PPP6R3: variants seen among roughly 807,000 people sequenced by gnomAD.
PPP6R3 encodes serine/threonine-protein phosphatase 6 regulatory subunit 3.
A neutral mutation model predicts 110.7 loss-of-function variants in PPP6R3; 38 were observed. The observed-to-expected ratio is 0.34, with a 90% CI of 0.26 to 0.45. The LOEUF is 0.45. Among genes scored for constraint, PPP6R3 ranks in the 20% least tolerant of loss-of-function variants. The pLI is 1.00. For synonymous variants in PPP6R3, 369 were observed against 373.5 expected (o/e 0.99, Z 0.14); for missense variants, 870 against 1,062.4 (o/e 0.82, Z 2.52).
intron 1 of PPP6R3, among the ~76,000 whole-genome samples, chr11:68,466,477 C>T (rs535824880): frequency 9.5e-4 from 134 of 141,026 alleles, no homozygotes; most frequent in African/African-American, 3.2e-3. Flanking sequence ...CTCGCTCTGT[C>T]ACCCAGGCTG....
chr11:68,610,201 C>T (rs1413853448), intron 23 of PPP6R3, among the ~76,000 whole-genome samples, 178 bp downstream of exon 23: 2 of 152,204 alleles, frequency 1.3e-5, no homozygotes, highest in African/African-American at 4.8e-5. Context: ...GAGCTGAGAA[C>T]TTAGAAACAG....
At chr11:68,535,653 T>G (rs1374630522) in intron 2 of PPP6R3, 1 of 151,920 alleles carries the variant, frequency 6.6e-6, no homozygotes, top group Non-Finnish European at 1.5e-5. Flanking sequence ...CTTAAGGAGC[T>G]TTTGGAAGCT....
chr11:68,557,458 A>T (rs1593103403), intron 7 of PPP6R3, among the ~76,000 whole-genome samples: 1 of 152,000 alleles, frequency 6.6e-6, no homozygotes, highest in Non-Finnish European at 1.5e-5. Flanking sequence ...ACCAAGGACA[A>T]CCCAGCTGCA....
At chr11:68,588,685 T>A (rs2099586336) in intron 16 of PPP6R3, among the ~76,000 whole-genome samples, 1 of 150,358 alleles carries the variant, frequency 6.7e-6, no homozygotes, top group African/African-American at 2.4e-5. Flanking sequence ...GACCTCGTGA[T>A]CCGCCTGCCT....
chr11:68,573,114 T>TATATATATA lies in PPP6R3; in HGVS notation c.1344-995_1344-994insATATATATA, dbSNP rs1555173816. ...TCAGATTAATATGAGTTTACTTATT[T>TATATATATA]TATATATATATATATATATATATAT... On this transcript the variant is annotated intron_variant, in intron 12 of 23. Coordinates refer to ENST00000393800, the MANE Select transcript of PPP6R3 (RefSeq NM_001164161.2). 1.9e-4 allele frequency among the ~76,000 whole-genome samples: 12 copies of TATATATATA among 61,798 alleles called. No individual in the cohort carries two copies. In the East Asian group the frequency reaches 5.3e-3, roughly 27 times the overall value. 40.5% of individuals were successfully genotyped at this position (61,798 alleles called of 152,430 possible). A position where few individuals can be genotyped will look rare whatever the true frequency, so the allele number is the denominator to read the frequency against.
At chr11:68,476,006 T>C (rs1477121296) in intron 1 of PPP6R3, among the ~76,000 whole-genome samples, 10 of 145,930 alleles carry the variant, frequency 6.9e-5, no homozygotes, top group African/African-American at 2.1e-4. Flanking sequence ...GGGGCTCTTC[T>C]CATCCCAGAC....
chr11:68,592,895 A>G (rs1046880495), intron 18 of PPP6R3, among the ~76,000 whole-genome samples: 1 of 152,230 alleles, frequency 6.6e-6, no homozygotes, highest in Non-Finnish European at 1.5e-5. Flanking sequence ...AATACAGTAT[A>G]TCTTCACAGA....
chr11:68,540,074 A>T (rs2099303761), intron 3 of PPP6R3, among the ~76,000 whole-genome samples: 1 of 152,200 alleles, frequency 6.6e-6, no homozygotes, highest in African/African-American at 2.4e-5. Context: ...GTTGGAGTGA[A>T]GGTGGAGCAC....
intron 9 of PPP6R3, among the ~76,000 whole-genome samples, chr11:68,566,182 C>T (rs904862964): frequency 2.4e-4 from 36 of 152,162 alleles, no homozygotes; most frequent in African/African-American, 8.4e-4. Flanking sequence ...TTGGCTCAGA[C>T]TGAGGATTGT....
At chr11:68,564,735 A>G (rs1315565631) in intron 9 of PPP6R3, among the ~76,000 whole-genome samples, 1 of 152,246 alleles carries the variant, frequency 6.6e-6, no homozygotes, top group Non-Finnish European at 1.5e-5. Context: ...TTTCAGGAAA[A>G]GCTAATCTTT....
chr11:68,585,129 T>C (rs1465223026), intron 15 of PPP6R3, among the ~76,000 whole-genome samples: 1 of 152,188 alleles, frequency 6.6e-6, no homozygotes, highest in Non-Finnish European at 1.5e-5. Context: ...GGGGAGTGCC[T>C]CCAGGCGTTT....
chr11:68,613,191 AGCCC>A lies in PPP6R3; in HGVS notation c.*75_*78del. The A allele has an allele frequency of 6.3e-7, 1 of 1,591,342 alleles. No individual in the cohort carries two copies. Among genetic ancestry groups the A allele is most frequent in the Admixed American group, 1.7e-5 (1 of 57,164 alleles). On this transcript the variant is annotated 3_prime_UTR_variant, in exon 24 of 24. Transcript: ENST00000393800. ...CAGGGGCTCTGGAGGGGTCAGCTGG[AGCCC>A]ACCAAGCTGTCACTGCTGCACTCAC...
rs1315403195 is a variant in PPP6R3 at position 68,545,556 on chromosome 11, C to T, written c.414+532C>T. Among the ~76,000 whole-genome samples, 334 of 152,344 alleles carry T rather than the reference C, an allele frequency of 2.2e-3. 2 individuals carry two copies. The highest frequency in any genetic ancestry group is 7.6e-3 in the African/African-American group (316 of 41,578). On this transcript the variant is annotated intron_variant, in intron 4 of 23. Transcript: ENST00000393800. Reference sequence around the variant, plus strand: ...ACTGCTGTGTACATTTGCAGCTGTGCTGTTCCTATCCAGTGTGGTTTGACA... The same window carrying T: ...ACTGCTGTGTACATTTGCAGCTGTGTTGTTCCTATCCAGTGTGGTTTGACA...
At chr11:68,466,507 C>T (rs1207610356) in intron 1 of PPP6R3, among the ~76,000 whole-genome samples, 3 of 148,340 alleles carry the variant, frequency 2.0e-5, no homozygotes, top group South Asian at 4.2e-4. Flanking sequence ...GGCGTGGTCT[C>T]GGCTCACTGC....
At chr11:68,574,602 C>T (rs969117131) in intron 13 of PPP6R3, among the ~76,000 whole-genome samples, 4 of 152,122 alleles carry the variant, frequency 2.6e-5, no homozygotes, top group Non-Finnish European at 4.4e-5. Flanking sequence ...TTTCTGAAGG[C>T]CTCTATATAG....
At chr11:68,506,037 T>C (rs979425379) in intron 1 of PPP6R3, among the ~76,000 whole-genome samples, 46 of 151,942 alleles carry the variant, frequency 3.0e-4, no homozygotes, top group African/African-American at 1.1e-3. Context: ...CTGTATGAGA[T>C]TGTTTCCTTT....
At chr11:68,494,811 C>T (rs1360722376) in intron 1 of PPP6R3, among the ~76,000 whole-genome samples, 1 of 152,114 alleles carries the variant, frequency 6.6e-6, no homozygotes, top group Non-Finnish European at 1.5e-5. Context: ...ATCTTAACGG[C>T]CCCCCAGCCC....
intron 2 of PPP6R3, among the ~76,000 whole-genome samples, chr11:68,523,647 A>T (rs2099176276): frequency 6.7e-6 from 1 of 150,262 alleles, no homozygotes; most frequent in African/African-American, 2.5e-5. Context: ...CCCTAAGGAG[A>T]GCCACATTTG....
At chr11:68,603,197 C>T in intron 21 of PPP6R3, 145 bp from the exon 22 acceptor site, 1 of 1,059,728 alleles carries the variant, frequency 9.4e-7, no homozygotes, top group Non-Finnish European at 1.4e-6. Context: ...AGAATGTGGC[C>T]CAGACAACAG....
Sources: allele counts gnomAD v4.1 joint callset (sites outside exome capture counted in the v4.1 genomes callset), GRCh38; gene constraint gnomAD v4.1.1; transcripts MANE v1.5; gene names NCBI Gene and HGNC (gene_info 2026-07-23, HGNC 2026-07-21).